SUMF1: variants seen among roughly 807,000 people sequenced by gnomAD.
SUMF1 encodes the protein formylglycine-generating enzyme.
In SUMF1, 48 loss-of-function variants were observed where a neutral mutation model predicts 47.6. That is an observed-to-expected ratio of 1.01 (90% confidence interval 0.80 to 1.28). SUMF1 has a LOEUF of 1.28. Ranked by LOEUF, SUMF1 falls within the 50% of genes most tolerant of loss-of-function variation. The pLI is 0.00. For missense variants in SUMF1, 571 were observed against 485.4 expected (o/e 1.18, Z -1.66); for synonymous variants, 230 against 192.1 (o/e 1.20, Z -1.63).
intron 3 of SUMF1, among the ~76,000 whole-genome samples, chr3:4,440,199 C>T (rs1359458140): frequency 6.9e-6 from 1 of 145,982 alleles, no homozygotes; most frequent in Non-Finnish European, 1.5e-5. Flanking sequence ...GAGATCATCA[C>T]ACCACTGCAC....
intron 8 of SUMF1, among the ~76,000 whole-genome samples, chr3:4,340,446 T>G (rs544552311): frequency 6.6e-6 from 1 of 152,134 alleles, no homozygotes; most frequent in Non-Finnish European, 1.5e-5. Context: ...TGAAAGTAAA[T>G]GGAAAGCCAC....
chr3:4,276,128 C>A (rs1345640115), intron 8 of SUMF1, among the ~76,000 whole-genome samples: 2 of 151,914 alleles, frequency 1.3e-5, no homozygotes, highest in African/African-American at 4.8e-5. Context: ...ATTTATTGTC[C>A]AGAAATCCAC....
chr3:4,136,903 A>T (rs1462662767), intron 8 of SUMF1, among the ~76,000 whole-genome samples: 1 of 152,150 alleles, frequency 6.6e-6, no homozygotes, highest in Non-Finnish European at 1.5e-5. Flanking sequence ...AGAGAAATGC[A>T]AATCAAAACC....
intron 8 of SUMF1, among the ~76,000 whole-genome samples, chr3:4,351,774 T>A (rs888139478): frequency 2.0e-5 from 3 of 152,176 alleles, no homozygotes; most frequent in Non-Finnish European, 4.4e-5. Context: ...ACATTGAGAA[T>A]AATTTCTGCA....
In SUMF1 at chr3:4,195,708, A is replaced by G. The variant is rs58918376; in HGVS notation, c.1015-126963T>C. 6.1e-3 allele frequency among the ~76,000 whole-genome samples: 928 copies of G among 152,294 alleles called. 15 individuals are homozygous for G. Among genetic ancestry groups the G allele is most frequent in the African/African-American group, 0.021 (889 of 41,568 alleles). On this transcript the variant is annotated intron_variant and NMD_transcript_variant, in intron 8 of 12. Transcript: ENST00000448413. ...AGCAGATGAAGTTTATCTGTTCTTTATTTAATCAGAGACACTAGGACTCAG... is the reference window on the plus strand; with the variant it reads ...AGCAGATGAAGTTTATCTGTTCTTTGTTTAATCAGAGACACTAGGACTCAG...
At chr3:4,064,814 T>G (rs1695341179) in intron 9 of SUMF1, among the ~76,000 whole-genome samples, 1 of 152,164 alleles carries the variant, frequency 6.6e-6, no homozygotes, top group South Asian at 2.1e-4. Context: ...AGGAGTACGC[T>G]TCAGCCATAT....
rs1559248530 is a variant in SUMF1 at position 4,366,334 on chromosome 3, CCG to C, written c.1015-4082_1015-4081del. On this transcript the variant is annotated intron_variant, in intron 8 of 8. Transcript: ENST00000272902. The stretch of plus-strand genomic sequence containing the variant: ...TGTTTCCAACTTGGTTCCATTCTCC[CCG>C]TCACTTTCAGGTACACCCATCAGAC... Among the ~76,000 whole-genome samples, 21 of 152,316 alleles carry C rather than the reference CCG, an allele frequency of 1.4e-4. No homozygotes were observed. In the East Asian group the frequency reaches 2.9e-3, roughly 21 times the overall value.
chr3:4,184,899 C>T (rs1695169377), intron 8 of SUMF1, among the ~76,000 whole-genome samples: 1 of 152,088 alleles, frequency 6.6e-6, no homozygotes, highest in Non-Finnish European at 1.5e-5. Context: ...ATCCACCTGC[C>T]TGGGCCTCCC....
intron 8 of SUMF1, among the ~76,000 whole-genome samples, chr3:4,331,407 T>G (rs530217633): frequency 6.6e-6 from 1 of 152,364 alleles, no homozygotes; most frequent in Non-Finnish European, 1.5e-5. Context: ...CAATGTTAAC[T>G]TTTAGTAACT....
chr3:4,231,621 G>A (rs1696301471), intron 8 of SUMF1, among the ~76,000 whole-genome samples: 1 of 152,084 alleles, frequency 6.6e-6, no homozygotes, highest in African/African-American at 2.4e-5. Context: ...GCAAAGAAGG[G>A]GACATCCTCT....
intron 8 of SUMF1, among the ~76,000 whole-genome samples, chr3:4,137,763 C>T (rs905486587): frequency 2.6e-5 from 4 of 152,112 alleles, no homozygotes; most frequent in African/African-American, 9.7e-5. Flanking sequence ...CAGAGATGCT[C>T]ATTCCTACCA....
At chr3:4,219,134 A>C (rs1466425547) in intron 8 of SUMF1, among the ~76,000 whole-genome samples, 4 of 152,106 alleles carry the variant, frequency 2.6e-5, no homozygotes, top group African/African-American at 9.7e-5. Flanking sequence ...AACTGCAATT[A>C]CTCTCCTGAA....
intron 8 of SUMF1, among the ~76,000 whole-genome samples, chr3:4,185,387 T>C (rs1695179476): frequency 1.3e-5 from 2 of 152,228 alleles, no homozygotes; most frequent in South Asian, 4.1e-4. Context: ...ATTGTTTTTT[T>C]GAATCTAACA....
intron 8 of SUMF1, among the ~76,000 whole-genome samples, chr3:4,350,215 A>G (rs889736557): frequency 6.6e-6 from 1 of 151,766 alleles, no homozygotes; most frequent in Non-Finnish European, 1.5e-5. Context: ...TTTAGTATAT[A>G]AAATCACCAT....
intron 7 of SUMF1, among the ~76,000 whole-genome samples, chr3:4,393,505 T>C (rs1700943238): frequency 6.6e-6 from 1 of 152,074 alleles, no homozygotes; most frequent in Admixed American, 6.6e-5. Flanking sequence ...CCTAATATTT[T>C]ATTTTTTTAT....
chr3:4,423,652 T>A (rs908692018), intron 3 of SUMF1, among the ~76,000 whole-genome samples: 2 of 152,240 alleles, frequency 1.3e-5, no homozygotes, highest in Non-Finnish European at 2.9e-5. Flanking sequence ...ATTTTACATA[T>A]AATAATTGAT....
intron 8 of SUMF1, among the ~76,000 whole-genome samples, chr3:4,155,225 G>A (rs1338273755): frequency 1.3e-5 from 2 of 151,434 alleles, no homozygotes; most frequent in African/African-American, 4.9e-5. Flanking sequence ...CTGTGCTTAG[G>A]TTCATGTGCA....
At chr3:4,363,759 T>A (rs546725380) in intron 8 of SUMF1, among the ~76,000 whole-genome samples, 2 of 118,960 alleles carry the variant, frequency 1.7e-5, no homozygotes, top group Admixed American at 1.9e-4. Context: ...TCCAACACTA[T>A]GTTGAATAGG....
intron 8 of SUMF1, among the ~76,000 whole-genome samples, chr3:4,141,418 C>A (rs1396306781): frequency 6.6e-6 from 1 of 152,208 alleles, no homozygotes; most frequent in East Asian, 1.9e-4. Flanking sequence ...TGTGCCAGTG[C>A]CCAGAGGATA....
Sources: gnomAD v4.1 joint callset for allele counts (sites outside exome capture counted in the v4.1 genomes callset) on GRCh38, gnomAD v4.1.1 for gene constraint, MANE v1.5 for transcripts, NCBI Gene and HGNC (gene_info 2026-07-23, HGNC 2026-07-21) for gene names.